Variants in HEMK2 observed in about 807,000 individuals in gnomAD.
HEMK2 encodes the protein methyltransferase HEMK2.
chr21:28,688,236 T>G, the HEMK2 span, among the ~76,000 whole-genome samples: 1 of 152,322 alleles, frequency 6.6e-6, no homozygotes, highest in South Asian at 2.1e-4. Context: ...GAGAGTACAT[T>G]CAATGGGTTC....
At chr21:28,676,902 T>C in the HEMK2 span, among the ~76,000 whole-genome samples, 1 of 152,172 alleles carries the variant, frequency 6.6e-6, no homozygotes, top group Non-Finnish European at 1.5e-5. Flanking sequence ...AAATGACTTT[T>C]AAAATTCTTT....
chr21:28,740,132 C>G, the HEMK2 span, among the ~76,000 whole-genome samples: 1 of 152,204 alleles, frequency 6.6e-6, no homozygotes, highest in Non-Finnish European at 1.5e-5. Context: ...GTATGTTTTT[C>G]ATGTAAATTC....
the HEMK2 span, among the ~76,000 whole-genome samples, chr21:28,857,633 T>C: frequency 6.6e-6 from 1 of 152,206 alleles, no homozygotes; most frequent in African/African-American, 2.4e-5. Flanking sequence ...TTATATAACA[T>C]GCCTCTTCAG....
At chr21:28,635,405 C>T in the HEMK2 span, among the ~76,000 whole-genome samples, 2 of 152,078 alleles carry the variant, frequency 1.3e-5, no homozygotes, top group Admixed American at 1.3e-4. Flanking sequence ...AAGTAATAAT[C>T]AAGTCTTCCT....
chr21:28,804,831 A>T, the HEMK2 span, among the ~76,000 whole-genome samples: 29 of 152,340 alleles, frequency 1.9e-4, no homozygotes, highest in Admixed American at 7.8e-4. Flanking sequence ...TGGGAAGAAA[A>T]GCAGCATTCA....
chr21:28,704,547 A>G, the HEMK2 span, among the ~76,000 whole-genome samples: 1 of 124,412 alleles, frequency 8.0e-6, no homozygotes, highest in Non-Finnish European at 1.6e-5. Flanking sequence ...CATGTTCCAG[A>G]AGGTTTTGGC....
chr21:28,830,604 C>T, the HEMK2 span, among the ~76,000 whole-genome samples: 4,033 of 152,238 alleles, frequency 0.026, 182 homozygotes, highest in African/African-American at 0.092. Context: ...GGAGGCCAGG[C>T]GCGTGGCTCA....
chr21:28,647,321 TAAAAAAAAAAA>T, the HEMK2 span, among the ~76,000 whole-genome samples: 21 of 46,442 alleles, frequency 4.5e-4, no homozygotes, highest in Non-Finnish European at 6.1e-4. Context: ...CCATCTCTAC[TAAAAAAAAAAA>T]AAAAAAAAAA....
At chr21:28,881,600 G>A in the HEMK2 span, among the ~76,000 whole-genome samples, 1 of 151,196 alleles carries the variant, frequency 6.6e-6, no homozygotes, top group African/African-American at 2.4e-5. Flanking sequence ...TAGAGTTCCT[G>A]GAAGTAGCTG....
the HEMK2 span, among the ~76,000 whole-genome samples, chr21:28,625,871 G>T: frequency 6.6e-6 from 1 of 152,094 alleles, no homozygotes. Flanking sequence ...TAACAACAAG[G>T]ATGAATATAT....
At chr21:28,807,543 G>T in the HEMK2 span, among the ~76,000 whole-genome samples, 1 of 152,124 alleles carries the variant, frequency 6.6e-6, no homozygotes, top group Non-Finnish European at 1.5e-5. Flanking sequence ...GAGCTGTGAG[G>T]GCCCCTATCT....
the HEMK2 span, among the ~76,000 whole-genome samples, chr21:28,721,354 A>G: frequency 6.7e-4 from 102 of 152,292 alleles, 4 homozygotes; most frequent in East Asian, 0.018. Flanking sequence ...GGCTCAAGGT[A>G]TCCTCCCACA....
At chr21:28,863,410 T>TTATATATATA in the HEMK2 span, among the ~76,000 whole-genome samples, 1 of 38,938 alleles carries the variant, frequency 2.6e-5, no homozygotes, top group Non-Finnish European at 5.2e-5. Context: ...AAACTCCCTT[T>TTATATATATA]TATATATATA....
At chr21:28,711,811 C>T in the HEMK2 span, among the ~76,000 whole-genome samples, 2,546 of 152,216 alleles carry the variant, frequency 0.017, 73 homozygotes, top group African/African-American at 0.057. Flanking sequence ...ATTTCTCACA[C>T]TTCTGGAGGC....
At chr21:28,756,161 T>C in the HEMK2 span, among the ~76,000 whole-genome samples, 2 of 152,294 alleles carry the variant, frequency 1.3e-5, no homozygotes, top group East Asian at 3.9e-4. Context: ...GAGCAACAGG[T>C]GAGTTGTTCA....
At chr21:28,849,408 T>C in the HEMK2 span, among the ~76,000 whole-genome samples, 1 of 151,792 alleles carries the variant, frequency 6.6e-6, no homozygotes, top group African/African-American at 2.4e-5. Context: ...TGAAGGAACA[T>C]CAGGCCACAC....
At chr21:28,690,235 G>A in the HEMK2 span, among the ~76,000 whole-genome samples, 4 of 152,286 alleles carry the variant, frequency 2.6e-5, no homozygotes, top group East Asian at 7.7e-4. Flanking sequence ...AATTCAAGGT[G>A]AGATTCAGGT....
chr21:28,790,041 G>A, the HEMK2 span, among the ~76,000 whole-genome samples: 3 of 152,068 alleles, frequency 2.0e-5, no homozygotes, highest in African/African-American at 7.2e-5. Context: ...CATTTTTAAC[G>A]TAGTGTTTCC....
At chr21:28,605,360 G>A in the HEMK2 span, among the ~76,000 whole-genome samples, 1 of 152,214 alleles carries the variant, frequency 6.6e-6, no homozygotes. Context: ...TGAAGTCAAG[G>A]AAATGGATGC....
Sources: gnomAD v4.1 joint callset for allele counts (sites outside exome capture counted in the v4.1 genomes callset) on GRCh38, gnomAD v4.1.1 for gene constraint, MANE v1.5 for transcripts, NCBI Gene and HGNC (gene_info 2026-07-23, HGNC 2026-07-21) for gene names.